The following STAG1 variants were observed in gnomAD, a reference collection of about 807,000 sequenced individuals.
The protein encoded by STAG1 is STAG1 cohesin complex component, also known as cohesin subunit SA-1.
STAG1 carries 26 observed loss-of-function variants against 170.9 expected under a neutral mutation model. The observed-to-expected ratio is 0.15, with a 90% CI of 0.11 to 0.21. STAG1 has a LOEUF of 0.21. Among genes scored for constraint, STAG1 ranks in the 10% least tolerant of loss-of-function variants. The pLI, the probability that STAG1 is intolerant of heterozygous loss-of-function variation, is 1.00. For missense variants in STAG1, 964 were observed against 1,509.5 expected, an observed-to-expected ratio of 0.64 and a Z score of 5.99; for synonymous variants, 514 against 497.7, an observed-to-expected ratio of 1.03 and a Z score of -0.44.
At chr3:136,472,368 T>C (rs1198099892) in intron 12 of STAG1, 45 bp downstream of exon 12, 5 of 1,393,194 alleles carry the variant, frequency 3.6e-6, no homozygotes, top group Admixed American at 1.8e-5. Context: ...GGGGAAAAGG[T>C]ATTAAAATAT....
intron 6 of STAG1, among the ~76,000 whole-genome samples, chr3:136,521,695 T>C (rs1489641681): frequency 1.3e-5 from 2 of 152,190 alleles, no homozygotes; most frequent in Admixed American, 6.5e-5. Context: ...TTTGTTGTAT[T>C]TGGATCATAG....
Position 136,338,038 on chromosome 3 carries a change from T to C in STAG1, c.*216A>G. 1 of 536,742 alleles carries C rather than the reference T, an allele frequency of 1.9e-6. No homozygotes were observed. Among genetic ancestry groups the C allele is most frequent in the Non-Finnish European group, 3.3e-6 (1 of 300,272 alleles). The allele number at this position is 536,742 out of a possible 1,614,324, so 33.2% of individuals were successfully genotyped here. ...GTCCAATAGTAGGACACAAATGATT[T>C]TCAGGTCAGTCTTTCTGAGTTGACA... On this transcript the variant is annotated 3_prime_UTR_variant, in exon 34 of 34. Transcript: ENST00000383202.
At chr3:136,549,988 T>C (rs1164028846) in intron 5 of STAG1, among the ~76,000 whole-genome samples, 3 of 152,206 alleles carry the variant, frequency 2.0e-5, no homozygotes, top group African/African-American at 4.8e-5. Context: ...TTGACTTTCA[T>C]TTGGTGAATA....
intron 3 of STAG1, among the ~76,000 whole-genome samples, chr3:136,608,337 T>A (rs1229948353): frequency 6.8e-6 from 1 of 147,672 alleles, no homozygotes; most frequent in Non-Finnish European, 1.5e-5. Flanking sequence ...ATCCCAGGAG[T>A]TCCAGACCAG....
intron 4 of STAG1, among the ~76,000 whole-genome samples, chr3:136,581,098 A>G (rs549044671): frequency 1.3e-5 from 2 of 150,180 alleles, no homozygotes; most frequent in Non-Finnish European, 3.0e-5. Flanking sequence ...CAATCCTCCT[A>G]CCTCAGCCTC....
At chr3:136,601,302 CAA>C (rs1938665650) in intron 4 of STAG1, among the ~76,000 whole-genome samples, 1 of 151,642 alleles carries the variant, frequency 6.6e-6, no homozygotes. Flanking sequence ...AAAATGTGCC[CAA>C]AAGACTGCCA....
At chr3:136,357,200 G>A (rs1485338852) in intron 28 of STAG1, among the ~76,000 whole-genome samples, 3 of 151,826 alleles carry the variant, frequency 2.0e-5, no homozygotes, top group Admixed American at 1.3e-4. Flanking sequence ...CGCCCGTCTC[G>A]GCCTCCCAAA....
chr3:136,702,321 T>C (rs1048841777), intron 1 of STAG1, among the ~76,000 whole-genome samples: 1 of 152,204 alleles, frequency 6.6e-6, no homozygotes, highest in Non-Finnish European at 1.5e-5. Flanking sequence ...TTGGTCAATA[T>C]TAAATTAACA....
rs71336064 is a variant in STAG1 at position 136,510,352 on chromosome 3, C to T, written c.677-7573G>A. Among the ~76,000 whole-genome samples the T allele has an allele frequency of 8.5e-5, 13 of 152,220 alleles. No individual in the cohort carries two copies. In the East Asian group the frequency reaches 1.9e-3, roughly 23 times the overall value. On this transcript the variant is annotated intron_variant, in intron 7 of 33. Coordinates refer to ENST00000383202, the MANE Select transcript of STAG1 (RefSeq NM_005862.3). ...TCGCCCAGACGGGAGTGCAGTGGTG[C>T]GATCTCAGCTCACTGCAACCCCCGC... is the stretch of plus-strand genomic sequence containing the variant.
intron 5 of STAG1, among the ~76,000 whole-genome samples, chr3:136,565,021 G>GGCAGGCAGGCAGGCACGCACGCAC (rs1937007602): frequency 1.0e-5 from 1 of 95,714 alleles, no homozygotes; most frequent in African/African-American, 6.7e-5. Flanking sequence ...AAGGCAGGCA[G>GGCAGGCAGGCAGGCACGCACGCAC]GCAGGCAGGC....
intron 1 of STAG1, chr3:136,737,046 AG>A: frequency 7.1e-7 from 1 of 1,398,894 alleles, no homozygotes; most frequent in Non-Finnish European, 1.0e-6. Flanking sequence ...CTGTAACTTC[AG>A]GATCTGAAGA....
chr3:136,709,912 G>T (rs1385285289), intron 1 of STAG1, among the ~76,000 whole-genome samples: 2 of 152,108 alleles, frequency 1.3e-5, no homozygotes, highest in Non-Finnish European at 2.9e-5. Context: ...GCACACACCT[G>T]TAATCCCAGC....
chr3:136,617,557 T>C (rs1182285360), intron 3 of STAG1, among the ~76,000 whole-genome samples: 3 of 152,328 alleles, frequency 2.0e-5, no homozygotes, highest in East Asian at 1.9e-4. Context: ...TCCTGAAAGA[T>C]TGACTTAGTC....
intron 1 of STAG1, among the ~76,000 whole-genome samples, chr3:136,636,577 G>C (rs1940569707): frequency 6.6e-6 from 1 of 152,040 alleles, no homozygotes; most frequent in African/African-American, 2.4e-5. Flanking sequence ...ATGGGTTCTT[G>C]GAAACTAAGA....
At chr3:136,491,734 T>C (rs2090128749) in intron 9 of STAG1, among the ~76,000 whole-genome samples, 1 of 152,214 alleles carries the variant, frequency 6.6e-6, no homozygotes, top group South Asian at 2.1e-4. Context: ...GGCTCACACT[T>C]GTAATCCCAG....
At chr3:136,669,486 T>C (rs1022172921) in intron 1 of STAG1, among the ~76,000 whole-genome samples, 1 of 152,130 alleles carries the variant, frequency 6.6e-6, no homozygotes, top group African/African-American at 2.4e-5. Flanking sequence ...CCCAAGTAGC[T>C]GGGATTACAG....
intron 7 of STAG1, among the ~76,000 whole-genome samples, chr3:136,507,915 G>GT (rs1159527367): frequency 6.6e-6 from 1 of 152,130 alleles, no homozygotes; most frequent in African/African-American, 2.4e-5. Flanking sequence ...AATGGTAGCT[G>GT]TGTCTTTCCA....
intron 8 of STAG1, among the ~76,000 whole-genome samples, chr3:136,501,982 G>C (rs1232713497): frequency 6.6e-6 from 1 of 152,056 alleles, no homozygotes; most frequent in Non-Finnish European, 1.5e-5. Context: ...GGGAGTTCGA[G>C]ACCAGCCTGA....
chr3:136,517,967 A>G (rs1327245534), intron 7 of STAG1: 1 of 155,150 alleles, frequency 6.4e-6, no homozygotes, highest in Non-Finnish European at 1.4e-5. Context: ...AATATATTCT[A>G]AAAAGAGAGT....
Sources: allele counts gnomAD v4.1 joint callset (sites outside exome capture counted in the v4.1 genomes callset), GRCh38; gene constraint gnomAD v4.1.1; transcripts MANE v1.5; gene names NCBI Gene and HGNC (gene_info 2026-07-23, HGNC 2026-07-21).